The following A1CF variants were observed in gnomAD, a reference collection of about 807,000 sequenced individuals.
A1CF encodes APOBEC1 complementation factor, also known as APOBEC-1 stimulating protein.
A neutral mutation model predicts 68.9 loss-of-function variants in A1CF; 48 were observed. That is an observed-to-expected ratio of 0.70 (90% CI 0.55 to 0.89). A1CF has a LOEUF of 0.89. A1CF is among the 40% of genes least tolerant of loss of function. The pLI, the probability that A1CF is intolerant of heterozygous loss-of-function variation, is 0.00. For synonymous variants in A1CF, 272 were observed against 260.4 expected (o/e 1.04, Z -0.43); for missense variants, 653 against 718.9 (o/e 0.91, Z 1.05).
At chr10:50,841,504 T>C (rs1399323709) in intron 5 of A1CF, among the ~76,000 whole-genome samples, 1 of 152,188 alleles carries the variant, frequency 6.6e-6, no homozygotes, top group Non-Finnish European at 1.5e-5. Flanking sequence ...CTTTATCCCA[T>C]CCCTGGTTTG....
intron 12 of A1CF, among the ~76,000 whole-genome samples, chr10:50,809,019 A>T (rs1399782960): frequency 6.6e-6 from 1 of 152,156 alleles, no homozygotes; most frequent in Non-Finnish European, 1.5e-5. Context: ...TACTAAAAAA[A>T]AAAAGGATAA....
At chr10:50,827,420 T>C (rs1432582544) in intron 7 of A1CF, among the ~76,000 whole-genome samples, 1 of 151,948 alleles carries the variant, frequency 6.6e-6, no homozygotes, top group African/African-American at 2.4e-5. Context: ...GAACAGAAAT[T>C]ATAACAAACT....
intron 3 of A1CF, among the ~76,000 whole-genome samples, chr10:50,849,817 G>A (rs1367380497): frequency 9.3e-6 from 1 of 107,170 alleles, no homozygotes; most frequent in Non-Finnish European, 1.8e-5. Context: ...TTTTTGAGAC[G>A]GAGTCTCGCT....
At chr10:50,830,875 T>G (rs1453237266) in intron 6 of A1CF, among the ~76,000 whole-genome samples, 1 of 152,172 alleles carries the variant, frequency 6.6e-6, no homozygotes. Context: ...TGCAAAGCTA[T>G]AGTAATCAAA....
At chr10:50,846,467 A>G (rs922325348) in intron 3 of A1CF, among the ~76,000 whole-genome samples, 2 of 152,146 alleles carry the variant, frequency 1.3e-5, no homozygotes, top group Non-Finnish European at 2.9e-5. Flanking sequence ...GCCCATTTTT[A>G]TGTATCTTTG....
intron 1 of A1CF, among the ~76,000 whole-genome samples, chr10:50,865,004 C>T (rs1452002141): frequency 6.6e-6 from 1 of 151,994 alleles, no homozygotes; most frequent in African/African-American, 2.4e-5. Flanking sequence ...TATAAAATTA[C>T]GATGGGGCCG....
rs535051653 is a variant in A1CF at position 50,855,122 on chromosome 10, A to G, written c.99+4720T>C. On this transcript the variant is annotated intron_variant, in intron 3 of 12. Coordinates refer to ENST00000373997, the MANE Select transcript of A1CF (RefSeq NM_014576.4). The stretch of plus-strand genomic sequence containing the variant: ...TGAATATGCTCACATATGAGAATAT[A>G]TTTTTCTAGTTCTAAGGAGAAAATT... 1.1e-4 allele frequency among the ~76,000 whole-genome samples: 17 copies of G among 151,994 alleles called. No homozygotes were observed. The South Asian group carries it at 3.3e-3, about 30-fold the overall frequency.
rs374272137 is a variant in A1CF, at chr10:50,816,317, T to C, written c.868-38A>G. On this transcript the variant is annotated intron_variant, in intron 8 of 12. Transcript: ENST00000373997. ...GCAAAGAAATATCAACGCGAGATGA[T>C]ATGAAGATAACCAAGTGTGGCTGAG... The C allele has an allele frequency of 7.5e-6, 12 of 1,601,034 alleles. No individual in the cohort carries two copies. In the South Asian group the frequency reaches 1.2e-4, roughly 16 times the overall value.
At chr10:50,859,741 C>A (rs2132526398) in intron 3 of A1CF, 101 bp downstream of exon 3, 2 of 953,714 alleles carry the variant, frequency 2.1e-6, no homozygotes, top group Non-Finnish European at 1.6e-6. Context: ...CTCTAAAGAG[C>A]TATGTAACTG....
chr10:50,807,318 C>A (rs1837879717), intron 12 of A1CF, among the ~76,000 whole-genome samples: 1 of 152,128 alleles, frequency 6.6e-6, no homozygotes, highest in South Asian at 2.1e-4. Context: ...TCTCCTGTAA[C>A]CCCACACCTG....
At chr10:50,877,257 C>A (rs2132612972) in intron 1 of A1CF, among the ~76,000 whole-genome samples, 1 of 152,196 alleles carries the variant, frequency 6.6e-6, no homozygotes, top group Admixed American at 6.5e-5. Flanking sequence ...GTCCTGGTAC[C>A]AATTATTTGC....
chr10:50,830,792 A>G (rs1231686256), intron 6 of A1CF, among the ~76,000 whole-genome samples: 1 of 152,168 alleles, frequency 6.6e-6, no homozygotes, highest in Non-Finnish European at 1.5e-5. Flanking sequence ...GGGCCACAAA[A>G]GACCCTAGCC....
chr10:50,830,749 A>T (rs1839198644), intron 6 of A1CF, among the ~76,000 whole-genome samples: 1 of 152,204 alleles, frequency 6.6e-6, no homozygotes, highest in Non-Finnish European at 1.5e-5. Context: ...TGTTTTTCAC[A>T]GAAATAGAAA....
chr10:50,849,097 G>A (rs907467377), intron 3 of A1CF, among the ~76,000 whole-genome samples: 1 of 151,966 alleles, frequency 6.6e-6, no homozygotes, highest in Non-Finnish European at 1.5e-5. Context: ...GATAGTTTAA[G>A]GAAAGTCTAT....
At chr10:50,881,370 G>A (rs1166536884) in intron 1 of A1CF, among the ~76,000 whole-genome samples, 1 of 152,152 alleles carries the variant, frequency 6.6e-6, no homozygotes, top group Non-Finnish European at 1.5e-5. Context: ...ACAGAGTTGG[G>A]CTTATAAACG....
chr10:50,815,468 A>G (rs1838319954), intron 9 of A1CF, among the ~76,000 whole-genome samples: 2 of 152,210 alleles, frequency 1.3e-5, no homozygotes, highest in Admixed American at 6.5e-5. Flanking sequence ...CTAAGAAAGT[A>G]TAACATATTT....
chr10:50,808,454 G>A (rs1057022980), intron 12 of A1CF, among the ~76,000 whole-genome samples: 7 of 152,182 alleles, frequency 4.6e-5, no homozygotes, highest in Admixed American at 3.9e-4. Flanking sequence ...CATTTGTTAG[G>A]TGTCTTTGGG....
In A1CF at chr10:50,803,192, A is replaced by T. The variant is rs899253846; in HGVS notation, c.*3537T>A. ...CAGCCTTGCCCTCCAGGCCTCCAGC[A>T]ATCCTCCTGCCTTAGCTTCCCAAGT... On this transcript the variant is annotated 3_prime_UTR_variant, in exon 13 of 13. Coordinates refer to ENST00000373997, the MANE Select transcript of A1CF (RefSeq NM_014576.4). 6.6e-6 allele frequency: 1 copy of T among 152,246 alleles called. No homozygotes were observed. Among genetic ancestry groups the T allele is most frequent in the Non-Finnish European group, 1.5e-5 (1 of 68,100 alleles). 9.4% of individuals were successfully genotyped at this position (152,246 alleles called of 1,614,324 possible). A position where few individuals can be genotyped will look rare whatever the true frequency, so the allele number is the denominator to read the frequency against.
At chr10:50,809,847 C>T in intron 12 of A1CF, 47 bp downstream of exon 12, 1 of 1,609,220 alleles carries the variant, frequency 6.2e-7, no homozygotes, top group East Asian at 2.2e-5. Context: ...AAAGGGTTTC[C>T]CAAATACTCT....
Sources: gnomAD v4.1 joint callset for allele counts (sites outside exome capture counted in the v4.1 genomes callset) on GRCh38, gnomAD v4.1.1 for gene constraint, MANE v1.5 for transcripts, NCBI Gene and HGNC (gene_info 2026-07-23, HGNC 2026-07-21) for gene names.